The following CEP162 variants were observed in gnomAD, a reference collection of about 807,000 sequenced individuals.
The protein encoded by CEP162 is centrosomal protein of 162 kDa.
A neutral mutation model predicts 169.2 loss-of-function variants in CEP162; 141 were observed. The observed-to-expected ratio is 0.83, with a 90% CI of 0.73 to 0.96. CEP162 has a LOEUF of 0.96. CEP162 is among the 40% of genes least tolerant of loss of function. The pLI is 0.00. For synonymous variants in CEP162, 540 were observed against 526.4 expected (o/e 1.03, Z -0.35); for missense variants, 1,600 against 1,587.2 (o/e 1.01, Z -0.14).
In CEP162 at chr6:84,215,353, A is replaced by T; in HGVS notation, c.432T>A (p.Ser144=). ...FFARLEKGLT[S]SIDYSRLNKE... ...TATTTAATCTCGAATAATCAATGGA[A>T]GATGTCAAGCCTTTCTCAAGCCTGG... is the stretch of plus-strand genomic sequence containing the variant. The change falls in exon 5 of 27, where the codon TCT becomes TCA. Residue 144 remains serine (S), a synonymous_variant. Coordinates refer to ENST00000403245, the MANE Select transcript of CEP162 (RefSeq NM_014895.4). The T allele has an allele frequency of 6.2e-7, 1 of 1,605,390 alleles. No homozygotes were observed.
intron 21 of CEP162, among the ~76,000 whole-genome samples, chr6:84,156,769 CACAA>C (rs905946127): frequency 1.4e-4 from 21 of 151,998 alleles, no homozygotes; most frequent in African/African-American, 4.6e-4. Context: ...CACACACACA[CACAA>C]ACACACTATT....
chr6:84,222,772 G>GCA (rs112085957), intron 2 of CEP162, among the ~76,000 whole-genome samples: 8,834 of 150,514 alleles, frequency 0.059, 701 homozygotes, highest in African/African-American at 0.19. Context: ...ACACGCGCGT[G>GCA]CACACACACA....
Position 84,131,316 on chromosome 6 carries a change from A to G in CEP162, c.3871-4804T>C, listed in dbSNP as rs1009337237. On this transcript the variant is annotated intron_variant, in intron 25 of 26. Coordinates refer to ENST00000403245, the MANE Select transcript of CEP162 (RefSeq NM_014895.4). ...AAAATAAGTGTGATGTGCTGAGAAG[A>G]ATTCTGTTGATTTGGGGTGGAGAGT... Among the ~76,000 whole-genome samples the G allele has an allele frequency of 3.3e-4, 50 of 150,792 alleles. 2 individuals carry two copies. The highest frequency in any genetic ancestry group is 7.4e-5 in the Non-Finnish European group (5 of 67,182).
At position 84,175,290 on chromosome 6, in the gene CEP162, T is replaced by C. The variant is rs1490335052; in HGVS notation, c.1721A>G (p.Lys574Arg). 6.5e-7 allele frequency: 1 copy of C among 1,547,852 alleles called. No individual in the cohort carries two copies. The highest frequency in any genetic ancestry group is 8.7e-7 in the Non-Finnish European group (1 of 1,144,776). ...ACGAGTAGACAGGCAACTTTCAGTT[T>C]TGTGAGCTGGTTTATCCAAAGCTGC... The part of the protein sequence containing the change: ...KPAALDKPAH[K>R]TESCLSTRKK... Residue 574 changes from lysine to arginine, a missense_variant, in exon 14 of 27, where the codon AAA (lysine) becomes AGA (arginine). Transcript: ENST00000403245.
chr6:84,193,707 A>G lies in CEP162; in HGVS notation c.1028-17T>C, dbSNP rs368170631. The G allele has an allele frequency of 5.4e-5, 81 of 1,511,146 alleles. 1 individual carries two copies. In the African/African-American group the frequency reaches 7.3e-4, roughly 14 times the overall value. The allele number at this position is 1,511,146 out of a possible 1,614,324, so 93.6% of individuals were successfully genotyped here. A position where few individuals can be genotyped will look rare whatever the true frequency, so the allele number is the denominator to read the frequency against. On this transcript the variant is annotated splice_polypyrimidine_tract_variant and intron_variant, in intron 10 of 26. Coordinates refer to ENST00000403245, the MANE Select transcript of CEP162 (RefSeq NM_014895.4). The stretch of plus-strand genomic sequence containing the variant: ...TGGGCAGATCTAAGAGGTGGAAAAA[A>G]AAGTAGAAACGAAAAATGTTATGTA...
In CEP162 at chr6:84,215,832, T is replaced by G. The variant is rs149131177; in HGVS notation, c.263A>C (p.Gln88Pro). 6.3e-7 allele frequency: 1 copy of G among 1,588,422 alleles called. No individual in the cohort carries two copies. The highest frequency in any genetic ancestry group is 1.1e-5 in the South Asian group (1 of 87,188). ...EIEEESAEKIQFLKSSGTSLL... is the reference protein window; with the variant it reads ...EIEEESAEKIPFLKSSGTSLL... ...AGAGGTTCCACTGCTCTTAAGAAAT[T>G]GAATCTTTTCAGCAGACTCCTCTTC... Residue 88 changes from glutamine (Q) to proline (P), a missense_variant, in exon 4 of 27, where the codon CAA (glutamine) becomes CCA (proline). Transcript: ENST00000403245.
In CEP162 at chr6:84,226,333, T is replaced by A. The variant is rs1397801287; in HGVS notation, c.57+4A>T. The A allele has an allele frequency of 6.5e-7, 1 of 1,540,670 alleles. No individual in the cohort carries two copies. Among genetic ancestry groups the A allele is most frequent in the Non-Finnish European group, 8.8e-7 (1 of 1,134,036 alleles). Reference sequence around the variant, plus strand: ...CAATATAGCTTTTAAAAATATAAACTTACCTCTTTCATAAACTGTTCAAAC... The same window carrying A: ...CAATATAGCTTTTAAAAATATAAACATACCTCTTTCATAAACTGTTCAAAC... On this transcript the variant is annotated splice_donor_region_variant and intron_variant, in intron 2 of 26. Coordinates refer to ENST00000403245, the MANE Select transcript of CEP162 (RefSeq NM_014895.4).
At chr6:84,213,565 A>C (rs2099550380) in intron 5 of CEP162, among the ~76,000 whole-genome samples, 1 of 152,154 alleles carries the variant, frequency 6.6e-6, no homozygotes, top group Non-Finnish European at 1.5e-5. Flanking sequence ...TTTCTCTCAA[A>C]CCAAGAATCA....
chr6:84,178,758 C>T (rs1476478623), intron 13 of CEP162, among the ~76,000 whole-genome samples: 1 of 152,094 alleles, frequency 6.6e-6, no homozygotes, highest in Non-Finnish European at 1.5e-5. Flanking sequence ...GTGCTGCACC[C>T]ATTAACTCAT....
Position 84,152,697 on chromosome 6 carries a change from G to A in CEP162, c.3477C>T (p.Tyr1159=). Residue 1159 remains tyrosine (Y), a synonymous_variant, in exon 23 of 27, where the codon TAC becomes TAT. Transcript: ENST00000403245. ...GGGAATCAGTGAAAGTATGTGGTTG[G>A]TACAGCTTGCTGTCCAGGGTTCCAG... ...SFPGTLDSKL[Y]QPHTFTDSHV... The A allele has an allele frequency of 6.2e-7, 1 of 1,612,800 alleles. No homozygotes were observed. Among genetic ancestry groups the A allele is most frequent in the South Asian group, 1.1e-5 (1 of 90,936 alleles).
At chr6:84,147,919 C>T (rs1342911986) in intron 24 of CEP162, among the ~76,000 whole-genome samples, 2 of 152,098 alleles carry the variant, frequency 1.3e-5, no homozygotes, top group East Asian at 1.9e-4. Context: ...ATCTCTAATG[C>T]TGTATTTTTA....
chr6:84,186,627 T>C lies in CEP162; in HGVS notation c.1110-4A>G, dbSNP rs1180041524. On this transcript the variant is annotated splice_polypyrimidine_tract_variant and splice_region_variant and intron_variant, in intron 11 of 26. Coordinates refer to ENST00000403245, the MANE Select transcript of CEP162 (RefSeq NM_014895.4). ...TCTTTCGGCCACTTTCTCAGAGCTA[T>C]AAAACAAAACAGGACACAGATAATG... 1 of 1,593,824 alleles carries C rather than the reference T, an allele frequency of 6.3e-7. No homozygotes were observed. Among genetic ancestry groups the C allele is most frequent in the East Asian group, 2.2e-5 (1 of 44,644 alleles).
In CEP162 at chr6:84,155,515, T is replaced by G. The variant is rs1238411968; in HGVS notation, c.2782-5A>C. Reference sequence around the variant, plus strand: ...AATCCCTTCCATTTCCTTAACCTATTAAAACATATTTTCCACCAAAGAACA... The same window carrying G: ...AATCCCTTCCATTTCCTTAACCTATGAAAACATATTTTCCACCAAAGAACA... On this transcript the variant is annotated splice_polypyrimidine_tract_variant and splice_region_variant and intron_variant, in intron 21 of 26. Transcript: ENST00000403245. The G allele has an allele frequency of 1.9e-6, 3 of 1,571,384 alleles. No individual in the cohort carries two copies. In the African/African-American group the frequency reaches 4.1e-5, roughly 21 times the overall value.
intron 3 of CEP162, 94 bp from the exon 4 acceptor site, chr6:84,216,016 G>A: frequency 7.2e-7 from 1 of 1,379,762 alleles, no homozygotes; most frequent in Non-Finnish European, 9.4e-7. Flanking sequence ...CTAATTTTGT[G>A]CACAGTAGCT....
At chr6:84,154,892 C>A (rs1036539970) in intron 22 of CEP162, among the ~76,000 whole-genome samples, 2 of 152,086 alleles carry the variant, frequency 1.3e-5, no homozygotes, top group African/African-American at 4.8e-5. Flanking sequence ...GCTCCCCTAC[C>A]CGCTGTTCCT....
At chr6:84,147,271 G>C (rs1055542434) in intron 24 of CEP162, among the ~76,000 whole-genome samples, 2 of 152,048 alleles carry the variant, frequency 1.3e-5, no homozygotes, top group African/African-American at 4.8e-5. Context: ...TCATGTATGA[G>C]AGCTAAAAAA....
At chr6:84,192,363 T>C (rs7747473) in intron 11 of CEP162, among the ~76,000 whole-genome samples, 3 of 152,136 alleles carry the variant, frequency 2.0e-5, no homozygotes, top group Admixed American at 2.0e-4. Flanking sequence ...GTTTTACCTA[T>C]AACAACAAAG....
rs2099537762 is a variant in CEP162 at position 84,187,614 on chromosome 6, T to TA, written c.1110-992dup. Among the ~76,000 whole-genome samples, 8 of 152,328 alleles carry TA rather than the reference T, an allele frequency of 5.3e-5. No individual in the cohort carries two copies. The Middle Eastern group carries it at 0.014, about 259-fold the overall frequency. On this transcript the variant is annotated intron_variant, in intron 11 of 26. Transcript: ENST00000403245. ...GTTTTTCCCTTTAGAATGTGAGTGC[T>TA]ATGATGCTAAGAACCCAACTTATTT...
intron 9 of CEP162, among the ~76,000 whole-genome samples, chr6:84,198,422 C>T (rs944259455): frequency 6.6e-5 from 10 of 152,110 alleles, no homozygotes; most frequent in African/African-American, 2.4e-4. Context: ...CAATTACAGG[C>T]ATGTGCCACC....
Sources: allele counts gnomAD v4.1 joint callset (sites outside exome capture counted in the v4.1 genomes callset), GRCh38; gene constraint gnomAD v4.1.1; transcripts MANE v1.5; gene names NCBI Gene and HGNC (gene_info 2026-07-23, HGNC 2026-07-21).